Variants in ABL2 observed in about 807,000 individuals in gnomAD.
The protein encoded by ABL2 is tyrosine-protein kinase ABL2.
In ABL2, 49 loss-of-function variants were observed where a neutral mutation model predicts 107.7. The ratio of observed to expected loss-of-function variants is 0.45; its 90% CI spans 0.36 to 0.58. The LOEUF is 0.58. ABL2 is among the 20% of genes least tolerant of loss of function. ABL2 has a pLI of 0.00. For synonymous variants in ABL2, 549 were observed against 548.6 expected (o/e 1.00, Z -0.01); for missense variants, 1,245 against 1,457.0 (o/e 0.85, Z 2.37).
At chr1:179,219,335 T>C (rs1275981077) in intron 1 of ABL2, among the ~76,000 whole-genome samples, 1 of 152,040 alleles carries the variant, frequency 6.6e-6, no homozygotes, top group Non-Finnish European at 1.5e-5. Flanking sequence ...TGAGCTACCA[T>C]GCCTGGCCTA....
At chr1:179,130,936 A>ATTTTTT (rs11382795) in intron 3 of ABL2, among the ~76,000 whole-genome samples, 9 of 142,618 alleles carry the variant, frequency 6.3e-5, no homozygotes, top group Non-Finnish European at 7.6e-5. Context: ...TTTCAGGATA[A>ATTTTTT]TTTTTTTTTT....
At chr1:179,215,637 G>A (rs1390275716) in intron 1 of ABL2, among the ~76,000 whole-genome samples, 1 of 151,568 alleles carries the variant, frequency 6.6e-6, no homozygotes, top group African/African-American at 2.4e-5. Flanking sequence ...AGAGGTTGTA[G>A]TGAGCTGAGA....
At position 179,199,090 on chromosome 1, in the gene ABL2, G is replaced by A. The variant is rs977602797; in HGVS notation, c.157+30151C>T. 7.9e-5 allele frequency among the ~76,000 whole-genome samples: 12 copies of A among 152,090 alleles called. No individual in the cohort carries two copies. In the South Asian group the frequency reaches 2.1e-3, roughly 26 times the overall value. On this transcript the variant is annotated intron_variant, in intron 1 of 11. Transcript: ENST00000502732. ...ACTCCTGACCTCAGGTGATCCACCC[G>A]CCTCGGCCTCCCAAAGTGCTGAGAT...
At position 179,108,454 on chromosome 1, in the gene ABL2, G is replaced by A. The variant is rs1458053893; in HGVS notation, c.2813C>T (p.Thr938Ile). ...NHKVPVLISP[T>I]LKHTPADVQL... Reference sequence around the variant, plus strand: ...CACGTCAGCTGGAGTGTGTTTCAGAGTGGGTGAGATAAGGACTGGCACTTT... The same window carrying A: ...CACGTCAGCTGGAGTGTGTTTCAGAATGGGTGAGATAAGGACTGGCACTTT... The change falls in exon 12 of 12, where the codon ACT becomes ATT. Residue 938 changes from threonine (T) to isoleucine (I), a missense_variant. Coordinates refer to ENST00000502732, the MANE Select transcript of ABL2 (RefSeq NM_007314.4). 5 of 1,614,244 alleles carry A rather than the reference G, an allele frequency of 3.1e-6. No homozygotes were observed. The highest frequency in any genetic ancestry group is 4.2e-6 in the Non-Finnish European group (5 of 1,180,042).
rs546322793 is a variant in ABL2 at position 179,147,090 on chromosome 1, A to T, written c.158-13716T>A. On this transcript the variant is annotated intron_variant, in intron 1 of 11. Transcript: ENST00000502732. ...AAAAAAAAAATTTAAAAAGTAGGCT[A>T]AGAACATGAACAGACATTTTCCAAA... Among the ~76,000 whole-genome samples, 66 of 151,200 alleles carry T rather than the reference A, an allele frequency of 4.4e-4. 1 individual carries two copies. Among genetic ancestry groups the T allele is most frequent in the African/African-American group, 1.6e-3 (66 of 41,070 alleles).
At chr1:179,121,908 A>C (rs1327019025) in intron 4 of ABL2, 41 bp from the exon 5 acceptor site, 1 of 1,142,166 alleles carries the variant, frequency 8.8e-7, no homozygotes, top group Non-Finnish European at 1.2e-6. Flanking sequence ...TTGAAAAGAG[A>C]TTAAGAATTT....
chr1:179,183,210 G>C (rs975150000), intron 1 of ABL2, among the ~76,000 whole-genome samples: 4 of 152,004 alleles, frequency 2.6e-5, no homozygotes, highest in African/African-American at 9.7e-5. Context: ...TGTAGAATAG[G>C]ACACTGGAGA....
At chr1:179,185,794 G>C (rs1209872666) in intron 1 of ABL2, among the ~76,000 whole-genome samples, 4 of 151,976 alleles carry the variant, frequency 2.6e-5, no homozygotes, top group Admixed American at 2.6e-4. Context: ...AATATACAAT[G>C]CTTTCCCTGG....
At chr1:179,170,775 A>T (rs2102773148) in intron 1 of ABL2, among the ~76,000 whole-genome samples, 1 of 152,196 alleles carries the variant, frequency 6.6e-6, no homozygotes, top group South Asian at 2.1e-4. Flanking sequence ...TTGTATTTTT[A>T]GTAGAGACAG....
rs756224186 is a variant in ABL2, at chr1:179,108,003, G to C, written c.3264C>G (p.Ala1088=). Residue 1088 remains alanine (A), a synonymous_variant, in exon 12 of 12, where the codon GCC becomes GCG. Transcript: ENST00000502732. ...ACAGTAGGTCAGCACATTCCAGCAG[G>C]GCCTCTTTGCTGATTTTGTCTGCTG... is the stretch of plus-strand genomic sequence containing the variant. ...KISADKISKE[A]LLECADLLSS... 1.2e-6 allele frequency: 2 copies of C among 1,614,064 alleles called. No individual in the cohort carries two copies. The highest frequency in any genetic ancestry group is 3.3e-5 in the Admixed American group (2 of 60,006).
chr1:179,157,654 G>A (rs879893382), intron 1 of ABL2, among the ~76,000 whole-genome samples: 5 of 152,024 alleles, frequency 3.3e-5, no homozygotes, highest in Non-Finnish European at 7.4e-5. Context: ...CAGGTAGGAG[G>A]GAGTGAGGAA....
intron 1 of ABL2, among the ~76,000 whole-genome samples, chr1:179,225,317 T>C (rs1663129406): frequency 6.6e-6 from 1 of 152,238 alleles, no homozygotes; most frequent in African/African-American, 2.4e-5. Flanking sequence ...ATTTGGCTTA[T>C]ATTAAAACCT....
intron 1 of ABL2, among the ~76,000 whole-genome samples, chr1:179,163,355 C>T (rs1304218741): frequency 6.6e-6 from 1 of 152,204 alleles, no homozygotes; most frequent in Non-Finnish European, 1.5e-5. Context: ...ACCATAGGAC[C>T]TGGCAATCCC....
intron 1 of ABL2, chr1:179,183,848 C>A: frequency 5.2e-6 from 1 of 191,728 alleles, no homozygotes; most frequent in South Asian, 1.1e-4. Flanking sequence ...AGCATGGCCC[C>A]TAAATGCTAG....
intron 10 of ABL2, among the ~76,000 whole-genome samples, 196 bp downstream of exon 10, chr1:179,112,113 T>C (rs1032336293): frequency 6.6e-6 from 1 of 152,000 alleles, no homozygotes; most frequent in African/African-American, 2.4e-5. Context: ...TAATTTACAG[T>C]CCACTAGATA....
chr1:179,156,770 T>G (rs1413030772), intron 1 of ABL2, among the ~76,000 whole-genome samples: 1 of 151,852 alleles, frequency 6.6e-6, no homozygotes, highest in Non-Finnish European at 1.5e-5. Context: ...CCCGGTCACT[T>G]GGAAAGGTGA....
At chr1:179,117,607 A>G in intron 7 of ABL2, 91 bp from the exon 8 acceptor site, 1 of 1,290,380 alleles carries the variant, frequency 7.7e-7, no homozygotes, top group Non-Finnish European at 1.1e-6. Context: ...TTATAGGCAG[A>G]GTTAAGTAAG....
chr1:179,174,365 T>G (rs942054981), intron 1 of ABL2, among the ~76,000 whole-genome samples: 1 of 151,562 alleles, frequency 6.6e-6, no homozygotes, highest in African/African-American at 2.4e-5. Flanking sequence ...TCCCAGCACT[T>G]TGGGAGGCCA....
intron 1 of ABL2, among the ~76,000 whole-genome samples, chr1:179,203,208 AT>A (rs1460338357): frequency 6.6e-6 from 1 of 152,166 alleles, no homozygotes; most frequent in Non-Finnish European, 1.5e-5. Flanking sequence ...AATGGCTTAT[AT>A]TTTTTCTATT....
Sources: gnomAD v4.1 joint callset for allele counts (sites outside exome capture counted in the v4.1 genomes callset) on GRCh38, gnomAD v4.1.1 for gene constraint, MANE v1.5 for transcripts, NCBI Gene and HGNC (gene_info 2026-07-23, HGNC 2026-07-21) for gene names.